PRKG1: variants seen among roughly 807,000 people sequenced by gnomAD.
The protein encoded by PRKG1 is cGMP-dependent protein kinase 1.
A neutral mutation model predicts 88.1 loss-of-function variants in PRKG1; 35 were observed. The observed-to-expected ratio is 0.40, with a 90% CI of 0.30 to 0.53. The LOEUF (loss-of-function observed/expected upper bound fraction) is 0.53, where lower values mean the gene tolerates loss of function less well. PRKG1 is among the 20% of genes least tolerant of loss of function. PRKG1 has a pLI of 0.59. For synonymous variants in PRKG1, 303 were observed against 292.5 expected (o/e 1.04, Z -0.37); for missense variants, 540 against 839.8 (o/e 0.64, Z 4.41).
chr10:51,619,959 T>C (rs1839164324), intron 3 of PRKG1, among the ~76,000 whole-genome samples: 1 of 152,118 alleles, frequency 6.6e-6, no homozygotes, highest in African/African-American at 2.4e-5. Context: ...GGAGTTTTCT[T>C]TTAGGCTGGA....
In PRKG1 at chr10:51,716,886, T is replaced by C. The variant is rs141452626; in HGVS notation, c.593-87699T>C. On this transcript the variant is annotated intron_variant, in intron 3 of 17. Coordinates refer to ENST00000373980, the MANE Select transcript of PRKG1 (RefSeq NM_006258.4). ...TAACTTTTTGTATTTTTAGTAGAGA[T>C]GGAGTTTCACTATGTTGGCCAGGCT... is the stretch of plus-strand genomic sequence containing the variant. Among the ~76,000 whole-genome samples, 566 of 152,308 alleles carry C rather than the reference T, an allele frequency of 3.7e-3. 4 individuals carry two copies. Among genetic ancestry groups the C allele is most frequent in the African/African-American group, 0.013 (551 of 41,578 alleles).
chr10:51,159,012 C>T (rs1846291630), intron 2 of PRKG1, among the ~76,000 whole-genome samples: 2 of 151,986 alleles, frequency 1.3e-5, no homozygotes, highest in South Asian at 4.1e-4. Context: ...TTGGTTGATA[C>T]AGTGTGGTCT....
chr10:51,084,100 A>C (rs536191304), intron 1 of PRKG1, among the ~76,000 whole-genome samples: 1 of 152,334 alleles, frequency 6.6e-6, no homozygotes, highest in African/African-American at 2.4e-5. Context: ...ATGTTAAAAC[A>C]GAATAGATGT....
chr10:52,069,424 G>A (rs912268229), intron 7 of PRKG1, among the ~76,000 whole-genome samples: 29 of 151,948 alleles, frequency 1.9e-4, no homozygotes, highest in Non-Finnish European at 3.1e-4. Context: ...CCAGCTACTC[G>A]GGGGGCTGAA....
intron 2 of PRKG1, among the ~76,000 whole-genome samples, chr10:51,243,871 T>G (rs1001972467): frequency 6.6e-6 from 1 of 152,202 alleles, no homozygotes; most frequent in Non-Finnish European, 1.5e-5. Context: ...TTATATTGCC[T>G]TCTGCCATTT....
At chr10:51,273,463 A>G (rs1840035233) in intron 2 of PRKG1, among the ~76,000 whole-genome samples, 2 of 152,094 alleles carry the variant, frequency 1.3e-5, no homozygotes, top group Admixed American at 1.3e-4. Flanking sequence ...GGTCGAGGCT[A>G]CAGTGAGCCA....
intron 4 of PRKG1, among the ~76,000 whole-genome samples, chr10:51,899,030 A>AT (rs1841919294): frequency 1.3e-5 from 2 of 152,184 alleles, no homozygotes; most frequent in South Asian, 2.1e-4. Flanking sequence ...TAACCTTTTG[A>AT]TTTTTTCCTG....
At chr10:52,128,410 C>A in intron 7 of PRKG1, 2 of 985,316 alleles carry the variant, frequency 2.0e-6, no homozygotes, top group Non-Finnish European at 2.4e-6. Flanking sequence ...CCATGAGACA[C>A]AAGAGAATTG....
intron 3 of PRKG1, among the ~76,000 whole-genome samples, chr10:51,597,173 GTT>G (rs148426127): frequency 6.7e-6 from 1 of 148,272 alleles, no homozygotes; most frequent in African/African-American, 2.5e-5. Context: ...TCTAGAGTTT[GTT>G]TTTTTTTTAA....
Position 52,113,206 on chromosome 10 carries a change from A to G in PRKG1, c.936-20634A>G, listed in dbSNP as rs566216495. On this transcript the variant is annotated intron_variant, in intron 7 of 17. Coordinates refer to ENST00000373980, the MANE Select transcript of PRKG1 (RefSeq NM_006258.4). ...GTTTACTAAAATGTGCATAGTTGCT[A>G]ATCTATTGTTAGCATGAAATAAAAG... 4.9e-4 allele frequency among the ~76,000 whole-genome samples: 75 copies of G among 152,330 alleles called. 2 individuals carry two copies. The South Asian group carries it at 0.014, about 28-fold the overall frequency.
intron 3 of PRKG1, among the ~76,000 whole-genome samples, chr10:51,763,422 AT>A (rs200363093): frequency 6.6e-6 from 1 of 151,630 alleles, no homozygotes; most frequent in African/African-American, 2.4e-5. Context: ...TACACAGCTA[AT>A]TTAAAAAAAA....
intron 2 of PRKG1, among the ~76,000 whole-genome samples, chr10:51,301,282 A>G (rs895088698): frequency 1.1e-4 from 17 of 152,208 alleles, no homozygotes; most frequent in African/African-American, 3.1e-4. Context: ...ATAACTTGGT[A>G]TGTTTGGGAG....
chr10:52,121,137 G>A (rs1847810966), intron 7 of PRKG1, among the ~76,000 whole-genome samples: 1 of 152,164 alleles, frequency 6.6e-6, no homozygotes, highest in Non-Finnish European at 1.5e-5. Context: ...GCATTGGGAT[G>A]AAGAAACAGA....
chr10:51,894,743 A>G (rs1348070542), intron 4 of PRKG1, among the ~76,000 whole-genome samples: 1 of 152,184 alleles, frequency 6.6e-6, no homozygotes, highest in Non-Finnish European at 1.5e-5. Context: ...TCATAGTTAG[A>G]TATAGTGTAG....
intron 7 of PRKG1, among the ~76,000 whole-genome samples, chr10:52,107,353 A>C (rs1015799747): frequency 6.6e-6 from 1 of 152,206 alleles, no homozygotes; most frequent in Non-Finnish European, 1.5e-5. Flanking sequence ...CTGTATTTTA[A>C]TTGCTAAACA....
chr10:52,096,674 A>G lies in PRKG1; in HGVS notation c.935+34043A>G, dbSNP rs572478673. On this transcript the variant is annotated intron_variant, in intron 7 of 17. Transcript: ENST00000373980. ...ATTAATTTTCTGAATCCTTGGCTCT[A>G]TAGGGATGATGATGATGTTGGTATG... 1.4e-4 allele frequency among the ~76,000 whole-genome samples: 21 copies of G among 152,228 alleles called. 1 individual carries two copies. The South Asian group carries it at 4.4e-3, about 32-fold the overall frequency.
intron 3 of PRKG1, among the ~76,000 whole-genome samples, chr10:51,782,737 A>G (rs530163745): frequency 4.6e-5 from 7 of 152,188 alleles, no homozygotes; most frequent in African/African-American, 1.4e-4. Context: ...CCACTTTTGC[A>G]TATTCCCCAT....
intron 3 of PRKG1, among the ~76,000 whole-genome samples, chr10:51,639,648 C>G (rs1399068875): frequency 6.6e-6 from 1 of 150,912 alleles, no homozygotes; most frequent in Admixed American, 6.6e-5. Context: ...GAGAAATAAA[C>G]TTTTTATGCC....
chr10:51,039,265 A>G lies in PRKG1; in HGVS notation c.266+47621A>G, dbSNP rs532601419. Among the ~76,000 whole-genome samples the G allele has an allele frequency of 2.0e-5, 3 of 152,286 alleles. No homozygotes were observed. The South Asian group carries it at 6.2e-4, about 32-fold the overall frequency. The stretch of plus-strand genomic sequence containing the variant: ...CATTTGTTATTGCCTGTTTTTGGAA[A>G]AAAGCCATTTTAACTGGGATGAGAG... On this transcript the variant is annotated intron_variant, in intron 1 of 17. Coordinates refer to the PRKG1 transcript ENST00000401604.
Sources: allele counts gnomAD v4.1 joint callset (sites outside exome capture counted in the v4.1 genomes callset), GRCh38; gene constraint gnomAD v4.1.1; transcripts MANE v1.5; gene names NCBI Gene and HGNC (gene_info 2026-07-23, HGNC 2026-07-21).